The following TASP1 variants were observed in gnomAD, a reference collection of about 807,000 sequenced individuals.
TASP1 encodes the protein threonine aspartase 1.
In TASP1, 16 loss-of-function variants were observed where a neutral mutation model predicts 56.6. The ratio of observed to expected loss-of-function variants is 0.28; its 90% CI spans 0.19 to 0.43. TASP1 has a LOEUF of 0.43. Among genes scored for constraint, TASP1 ranks in the 20% least tolerant of loss-of-function variants. The pLI is 1.00. For missense variants in TASP1, 393 were observed against 511.6 expected (o/e 0.77, Z 2.24); for synonymous variants, 179 against 184.2 (o/e 0.97, Z 0.23).
chr20:13,609,658 C>T (rs1178344959), intron 4 of TASP1, among the ~76,000 whole-genome samples: 11 of 147,044 alleles, frequency 7.5e-5, no homozygotes, highest in African/African-American at 2.8e-4. Context: ...ATTGCTCCAG[C>T]CTGGGCAACA....
At chr20:13,598,207 A>C (rs1294313126) in intron 4 of TASP1, among the ~76,000 whole-genome samples, 1 of 152,224 alleles carries the variant, frequency 6.6e-6, no homozygotes, top group Non-Finnish European at 1.5e-5. Flanking sequence ...GAACCAAAAA[A>C]AGAGCCTGCA....
chr20:13,478,302 A>C (rs2043012897), intron 11 of TASP1, among the ~76,000 whole-genome samples: 1 of 151,942 alleles, frequency 6.6e-6, no homozygotes, highest in African/African-American at 2.4e-5. Context: ...AAAGACATGG[A>C]ATCAACTGAA....
intron 10 of TASP1, among the ~76,000 whole-genome samples, chr20:13,499,688 C>T (rs1304954415): frequency 6.6e-6 from 1 of 151,916 alleles, no homozygotes; most frequent in Non-Finnish European, 1.5e-5. Flanking sequence ...ATAAACCAAC[C>T]ACCAACCACC....
At chr20:13,464,614 C>G (rs6042132) in intron 11 of TASP1, among the ~76,000 whole-genome samples, 1 of 151,992 alleles carries the variant, frequency 6.6e-6, no homozygotes, top group Non-Finnish European at 1.5e-5. Flanking sequence ...TTGGATGAAC[C>G]TTAAGGACAT....
the TASP1 span, chr20:13,167,914 T>C: frequency 6.6e-6 from 1 of 152,208 alleles, no homozygotes; most frequent in Admixed American, 6.5e-5. Flanking sequence ...TTGACTCTAA[T>C]AGCAGGAACC....
chr20:13,617,065 A>G, intron 4 of TASP1: 2 of 455,858 alleles, frequency 4.4e-6, no homozygotes, highest in Non-Finnish European at 4.4e-6. Flanking sequence ...CCTCTTCACA[A>G]GAAGGACATG....
intron 13 of TASP1, among the ~76,000 whole-genome samples, chr20:13,400,740 G>A (rs964585319): frequency 4.6e-5 from 7 of 152,104 alleles, no homozygotes; most frequent in African/African-American, 7.2e-5. Flanking sequence ...AGAGAACAGC[G>A]CAACCATAGC....
At chr20:13,276,300 G>T in the TASP1 span, among the ~76,000 whole-genome samples, 1,300 of 152,272 alleles carry the variant, frequency 8.5e-3, 12 homozygotes, top group African/African-American at 0.029. Context: ...AGTGGCGTTG[G>T]TTTATTATCA....
At chr20:13,267,519 A>G in the TASP1 span, among the ~76,000 whole-genome samples, 1 of 152,188 alleles carries the variant, frequency 6.6e-6, no homozygotes, top group Non-Finnish European at 1.5e-5. Flanking sequence ...GGGAGGGTAC[A>G]GGGCTCTTCT....
At chr20:13,414,818 T>TAA (rs144659828) in intron 13 of TASP1, among the ~76,000 whole-genome samples, 2 of 148,970 alleles carry the variant, frequency 1.3e-5, no homozygotes, top group African/African-American at 2.5e-5. Flanking sequence ...GAACATTCTT[T>TAA]AAAAAAAAAA....
chr20:13,601,712 T>C (rs888911675), intron 4 of TASP1, among the ~76,000 whole-genome samples: 1 of 151,696 alleles, frequency 6.6e-6, no homozygotes, highest in African/African-American at 2.4e-5. Context: ...ACCTTTAGAG[T>C]GGAAAAACCC....
chr20:13,243,950 G>T, the TASP1 span: 1 of 152,204 alleles, frequency 6.6e-6, no homozygotes, highest in Non-Finnish European at 1.5e-5. Flanking sequence ...TTTGCTTAGT[G>T]GAATGAGGAT....
chr20:13,321,102 G>A, the TASP1 span, among the ~76,000 whole-genome samples: 1 of 151,994 alleles, frequency 6.6e-6, no homozygotes, highest in South Asian at 2.1e-4. Flanking sequence ...AGGAGGCTGA[G>A]GCATGAGAAT....
At chr20:13,306,425 C>T in the TASP1 span, among the ~76,000 whole-genome samples, 3 of 152,080 alleles carry the variant, frequency 2.0e-5, no homozygotes, top group African/African-American at 2.4e-5. Context: ...AATTTTTACA[C>T]CATTAGACAT....
the TASP1 span, among the ~76,000 whole-genome samples, chr20:13,306,470 T>C: frequency 6.6e-6 from 1 of 151,034 alleles, no homozygotes; most frequent in Non-Finnish European, 1.5e-5. Flanking sequence ...CCCTTCTTTA[T>C]TTCCCTCTCT....
At chr20:13,332,690 A>C in the TASP1 span, among the ~76,000 whole-genome samples, 1 of 152,260 alleles carries the variant, frequency 6.6e-6, no homozygotes, top group Non-Finnish European at 1.5e-5. Flanking sequence ...GACTGAAAAG[A>C]AAAGAAAATA....
At chr20:13,262,129 A>G in the TASP1 span, among the ~76,000 whole-genome samples, 2 of 152,166 alleles carry the variant, frequency 1.3e-5, no homozygotes, top group Non-Finnish European at 2.9e-5. Context: ...TTTGCCGGTA[A>G]TGGAGAAAGC....
intron 4 of TASP1, among the ~76,000 whole-genome samples, chr20:13,588,164 G>A (rs1411845403): frequency 6.6e-6 from 1 of 151,104 alleles, no homozygotes; most frequent in African/African-American, 2.4e-5. Context: ...AACAAGACAA[G>A]GATATCCACT....
chr20:13,250,355 G>C, the TASP1 span, among the ~76,000 whole-genome samples: 2 of 152,198 alleles, frequency 1.3e-5, no homozygotes, highest in African/African-American at 4.8e-5. Flanking sequence ...GCTCAGAGTC[G>C]ATTCAGCTTG....
Sources: allele counts gnomAD v4.1 joint callset (sites outside exome capture counted in the v4.1 genomes callset), GRCh38; gene constraint gnomAD v4.1.1; transcripts MANE v1.5; gene names NCBI Gene and HGNC (gene_info 2026-07-23, HGNC 2026-07-21).